Variants in CTNNBL1 observed in about 807,000 individuals in gnomAD.
CTNNBL1 encodes catenin beta like 1, also known as beta-catenin-like protein 1.
A neutral mutation model predicts 72.7 loss-of-function variants in CTNNBL1; 31 were observed. The ratio of observed to expected loss-of-function variants is 0.43; its 90% CI spans 0.32 to 0.58. The LOEUF is 0.58. Ranked by LOEUF, CTNNBL1 falls within the 20% of genes least tolerant of loss-of-function variation. The pLI is 0.08. For missense variants in CTNNBL1, 534 were observed against 725.1 expected, an observed-to-expected ratio of 0.74 and a Z score of 3.03; for synonymous variants, 240 against 267.3, an observed-to-expected ratio of 0.90 and a Z score of 1.00.
chr20:37,801,877 A>G (rs73904776), intron 10 of CTNNBL1, among the ~76,000 whole-genome samples: 1,924 of 152,350 alleles, frequency 0.013, 30 homozygotes, highest in African/African-American at 0.044. Context: ...AAATGAAATA[A>G]GAAGCATCTA....
chr20:37,721,431 A>G (rs2073039919), intron 1 of CTNNBL1, among the ~76,000 whole-genome samples: 12 of 152,120 alleles, frequency 7.9e-5, no homozygotes, highest in Admixed American at 7.9e-4. Context: ...TAAACCCTTA[A>G]TCAACAGTAA....
chr20:37,755,872 AC>A (rs2122643392), intron 4 of CTNNBL1, among the ~76,000 whole-genome samples: 1 of 151,978 alleles, frequency 6.6e-6, no homozygotes, highest in Admixed American at 6.5e-5. Flanking sequence ...CCTGTGTGCC[AC>A]CCCCGTCCCT....
Position 37,694,065 on chromosome 20 carries a change from C to CGGGCCCGCGG in CTNNBL1, c.-57_-48dup, listed in dbSNP as rs2072766187. The CGGGCCCGCGG allele has an allele frequency of 2.0e-5, 32 of 1,572,988 alleles. No individual in the cohort carries two copies. The South Asian group carries it at 3.3e-4, about 16-fold the overall frequency. ...GCAGTGTGGCTGGAGCCGCGGCTGA[C>CGGGCCCGCGG]GGGCCCGCGGTCTGGGCGTGAGTGC... is the stretch of plus-strand genomic sequence containing the variant. On this transcript the variant is annotated 5_prime_UTR_variant, in exon 1 of 16. Transcript: ENST00000361383.
intron 11 of CTNNBL1, among the ~76,000 whole-genome samples, chr20:37,816,922 C>T (rs2072065091): frequency 6.6e-6 from 1 of 152,122 alleles, no homozygotes; most frequent in Non-Finnish European, 1.5e-5. Flanking sequence ...GGGTGATTTT[C>T]CTGATGATGT....
intron 11 of CTNNBL1, among the ~76,000 whole-genome samples, chr20:37,813,105 G>A (rs2072026823): frequency 6.6e-6 from 1 of 152,176 alleles, no homozygotes; most frequent in South Asian, 2.1e-4. Context: ...GAAAATGTTG[G>A]GGACGTGTTC....
At chr20:37,763,941 T>A (rs908038136) in intron 5 of CTNNBL1, among the ~76,000 whole-genome samples, 1 of 152,238 alleles carries the variant, frequency 6.6e-6, no homozygotes, top group African/African-American at 2.4e-5. Context: ...ATCTGCCGTA[T>A]ATGGCATTGT....
chr20:37,762,963 A>C (rs1025826495), intron 5 of CTNNBL1, among the ~76,000 whole-genome samples: 2 of 152,202 alleles, frequency 1.3e-5, no homozygotes, highest in Admixed American at 1.3e-4. Flanking sequence ...TGCATTGCTC[A>C]CTGACAGTGT....
intron 10 of CTNNBL1, among the ~76,000 whole-genome samples, chr20:37,790,979 T>C (rs2073720116): frequency 6.6e-6 from 1 of 152,226 alleles, no homozygotes; most frequent in Non-Finnish European, 1.5e-5. Context: ...TTAGTTTGCA[T>C]TTTCTAGAAT....
chr20:37,838,836 C>T (rs182513860), intron 11 of CTNNBL1, among the ~76,000 whole-genome samples: 4 of 152,234 alleles, frequency 2.6e-5, no homozygotes, highest in Non-Finnish European at 5.9e-5. Flanking sequence ...GCAGTGAGCC[C>T]TGATCGTGCC....
chr20:37,808,116 T>C (rs1156529906), intron 11 of CTNNBL1, among the ~76,000 whole-genome samples: 1 of 152,164 alleles, frequency 6.6e-6, no homozygotes, highest in African/African-American at 2.4e-5. Flanking sequence ...TGTAGGTGTG[T>C]GGTGTGCACA....
At chr20:37,709,405 A>G (rs902110448) in intron 1 of CTNNBL1, among the ~76,000 whole-genome samples, 9 of 152,118 alleles carry the variant, frequency 5.9e-5, no homozygotes, top group African/African-American at 1.9e-4. Flanking sequence ...TTCTTTTGGG[A>G]TCCTTGATAG....
chr20:37,836,151 G>A (rs4811181), intron 11 of CTNNBL1, among the ~76,000 whole-genome samples: 124,044 of 151,668 alleles, frequency 0.82, 50,769 homozygotes, highest in Middle Eastern at 0.89. Flanking sequence ...GTGGTTGTGT[G>A]TAAATTCATC....
chr20:37,771,337 C>T (rs1261396403), intron 7 of CTNNBL1, among the ~76,000 whole-genome samples: 2 of 152,168 alleles, frequency 1.3e-5, no homozygotes. Context: ...ATGTACAACT[C>T]TCACTAAGAT....
At position 37,823,688 on chromosome 20, in the gene CTNNBL1, G is replaced by C. The variant is rs771620532; in HGVS notation, c.1214-16414G>C. Among the ~76,000 whole-genome samples, 6 of 152,348 alleles carry C rather than the reference G, an allele frequency of 3.9e-5. No homozygotes were observed. The East Asian group carries it at 1.2e-3, about 29-fold the overall frequency. ...ATTTCTGTCTAAAGCAGGCATCCAG[G>C]GAGGATTTTCAGAGGAGTGTGAACA... is the stretch of plus-strand genomic sequence containing the variant. On this transcript the variant is annotated intron_variant, in intron 11 of 15. Coordinates refer to ENST00000361383, the MANE Select transcript of CTNNBL1 (RefSeq NM_030877.5).
At chr20:37,775,561 G>A (rs2073566550) in intron 7 of CTNNBL1, among the ~76,000 whole-genome samples, 1 of 152,174 alleles carries the variant, frequency 6.6e-6, no homozygotes, top group Non-Finnish European at 1.5e-5. Context: ...TGTGTCTAAT[G>A]CCAGATCTGT....
chr20:37,862,109 A>G (rs1453201878), intron 15 of CTNNBL1, among the ~76,000 whole-genome samples: 1 of 97,196 alleles, frequency 1.0e-5, no homozygotes, highest in Non-Finnish European at 2.1e-5. Context: ...AAAAGAGAGT[A>G]AAGGGGTCTG....
intron 15 of CTNNBL1, 132 bp downstream of exon 15, chr20:37,860,476 C>T (rs763131219): frequency 6.0e-5 from 44 of 732,300 alleles, no homozygotes; most frequent in Admixed American, 1.0e-4. Flanking sequence ...TTGTCCATTT[C>T]ACTGTGTGTC....
chr20:37,830,643 A>G (rs1459123013), intron 11 of CTNNBL1, among the ~76,000 whole-genome samples: 1 of 152,174 alleles, frequency 6.6e-6, no homozygotes, highest in Non-Finnish European at 1.5e-5. Context: ...TCAACGTACC[A>G]TGGGGTTATG....
At chr20:37,696,486 C>T (rs1009496292) in intron 1 of CTNNBL1, among the ~76,000 whole-genome samples, 1 of 143,888 alleles carries the variant, frequency 6.9e-6, no homozygotes, top group Non-Finnish European at 1.5e-5. Context: ...TCTTGTTGCC[C>T]AGGCTGGAGT....
Sources: allele counts gnomAD v4.1 joint callset (sites outside exome capture counted in the v4.1 genomes callset), GRCh38; gene constraint gnomAD v4.1.1; transcripts MANE v1.5; gene names NCBI Gene and HGNC (gene_info 2026-07-23, HGNC 2026-07-21).